Variants in TIMM23 observed in about 807,000 individuals in gnomAD.
TIMM23 encodes mitochondrial import inner membrane translocase subunit Tim23.
Under a neutral mutation model 30.7 loss-of-function variants are expected in TIMM23, and 19 were observed. The observed-to-expected ratio is 0.62, with a 90% CI of 0.43 to 0.91. The LOEUF is 0.91. TIMM23 is among the 40% of genes least tolerant of loss of function. The probability of loss-of-function intolerance (pLI) is 0.00; values close to 1 mark genes in which losing one functional copy is unlikely to be tolerated. For synonymous variants in TIMM23, 78 were observed against 98.5 expected (o/e 0.79, Z 1.23); for missense variants, 202 against 269.2 (o/e 0.75, Z 1.75).
chr10:45,977,903 C>T (rs1280546562), intron 2 of TIMM23, among the ~76,000 whole-genome samples: 1 of 151,796 alleles, frequency 6.6e-6, no homozygotes, highest in Admixed American at 6.6e-5. Context: ...TGGTGCTGGG[C>T]GCCTGTAATC....
chr10:45,980,167 TG>T (rs1334494566), intron 2 of TIMM23, among the ~76,000 whole-genome samples: 1 of 151,250 alleles, frequency 6.6e-6, no homozygotes, highest in African/African-American at 2.4e-5. Context: ...AATTACATTT[TG>T]TAAAACTTTT....
At chr10:45,991,369 T>C (rs1838158327) in intron 6 of TIMM23, among the ~76,000 whole-genome samples, 1 of 152,122 alleles carries the variant, frequency 6.6e-6, no homozygotes, top group Non-Finnish European at 1.5e-5. Flanking sequence ...GGTGGGTAGA[T>C]AAAATAGATT....
chr10:45,999,316 A>AT (rs1303929963), intron 6 of TIMM23, among the ~76,000 whole-genome samples: 2 of 151,912 alleles, frequency 1.3e-5, no homozygotes, highest in African/African-American at 4.8e-5. Flanking sequence ...AATTCTTTAC[A>AT]TTTTTTTGTA....
rs1463140748 is a variant in TIMM23 at position 45,988,842 on chromosome 10, G to A, written c.509G>A (p.Cys170Tyr). 3.1e-6 allele frequency: 5 copies of A among 1,610,824 alleles called. No individual in the cohort carries two copies. The highest frequency in any genetic ancestry group is 2.7e-5 in the African/African-American group (2 of 74,848). The change falls in exon 6 of 7, where the codon TGT becomes TAT. Residue 170 changes from cysteine (C) to tyrosine (Y), a missense_variant. Physicochemically the swap from Cys to Tyr is radical, Grantham distance 194. Coordinates refer to ENST00000580018, the MANE Select transcript of TIMM23 (RefSeq NM_006327.4). The stretch of plus-strand genomic sequence containing the variant: ...ACCATGACAGGCATGTTGTATAAAT[G>A]TACAGGTGAGTACTGTTGAATGGGG... ...AGTMTGMLYK[C>Y]TGGLRGIARG...
chr10:45,975,536 T>C, intron 2 of TIMM23, 24 bp downstream of exon 2: 1 of 1,613,378 alleles, frequency 6.2e-7, no homozygotes, highest in African/African-American at 1.3e-5. Flanking sequence ...TTTACTAGTT[T>C]GGTGCATTAT....
intron 6 of TIMM23, among the ~76,000 whole-genome samples, chr10:45,996,496 A>G (rs1838337373): frequency 6.6e-6 from 1 of 151,134 alleles, no homozygotes; most frequent in South Asian, 2.1e-4. Flanking sequence ...ATTGTGGTGC[A>G]TTTTAAATGA....
At chr10:45,983,334 A>C (rs1554914361) in intron 4 of TIMM23, among the ~76,000 whole-genome samples, 1 of 152,192 alleles carries the variant, frequency 6.6e-6, no homozygotes, top group Non-Finnish European at 1.5e-5. Flanking sequence ...AGCTGCCATC[A>C]TTTAACTTGA....
chr10:45,991,491 C>T (rs1590124017), intron 6 of TIMM23, among the ~76,000 whole-genome samples: 1 of 152,140 alleles, frequency 6.6e-6, no homozygotes, highest in Non-Finnish European at 1.5e-5. Context: ...GTGGCTCATG[C>T]CTGTAATCCC....
chr10:45,979,566 C>A (rs1837781366), intron 2 of TIMM23, among the ~76,000 whole-genome samples: 1 of 146,962 alleles, frequency 6.8e-6, no homozygotes, highest in Admixed American at 6.9e-5. Flanking sequence ...CTTGGCCTCC[C>A]AAAGTGCTGG....
intron 6 of TIMM23, chr10:45,998,431 A>G (rs1029865726): frequency 1.0e-6 from 1 of 979,966 alleles, no homozygotes; most frequent in Non-Finnish European, 1.2e-6. Flanking sequence ...GCTTTGCTTT[A>G]TAGAGATTGA....
chr10:45,992,468 GA>G (rs1482946929), intron 6 of TIMM23: 2 of 455,686 alleles, frequency 4.4e-6, no homozygotes, highest in Non-Finnish European at 8.8e-6. Flanking sequence ...GGAGAATTGT[GA>G]AACTTAACTC....
chr10:45,979,328 C>CA (rs1837772479), intron 2 of TIMM23, among the ~76,000 whole-genome samples: 1 of 152,248 alleles, frequency 6.6e-6, no homozygotes, highest in Admixed American at 6.5e-5. Context: ...TTCTAAGAGA[C>CA]AAAGTCTCCC....
chr10:45,977,350 T>C (rs1301358263), intron 2 of TIMM23, among the ~76,000 whole-genome samples: 1 of 151,836 alleles, frequency 6.6e-6, no homozygotes, highest in African/African-American at 2.4e-5. Flanking sequence ...AGCCACATCA[T>C]GATAGTAACA....
At chr10:45,989,851 T>A (rs1554915348) in intron 6 of TIMM23, among the ~76,000 whole-genome samples, 1 of 152,242 alleles carries the variant, frequency 6.6e-6, no homozygotes. Context: ...AAGCATACAT[T>A]CAAGTAATGC....
At chr10:45,989,699 C>A (rs1349825726) in intron 6 of TIMM23, among the ~76,000 whole-genome samples, 33 of 152,280 alleles carry the variant, frequency 2.2e-4, no homozygotes, top group South Asian at 1.7e-3. Flanking sequence ...AAGACACACA[C>A]AAGGTCAAAG....
chr10:45,975,202 T>A (rs1271477518), intron 1 of TIMM23, among the ~76,000 whole-genome samples: 1 of 152,202 alleles, frequency 6.6e-6, no homozygotes, highest in East Asian at 1.9e-4. Context: ...AAAAATCAGA[T>A]CTATGACACT....
intron 6 of TIMM23, among the ~76,000 whole-genome samples, chr10:45,996,555 T>C (rs1301029579): frequency 0.016 from 2,364 of 151,694 alleles, 55 homozygotes; most frequent in African/African-American, 0.051. Flanking sequence ...TCAGTGAATG[T>C]TCTTTCCTTT....
chr10:45,996,893 A>T (rs1193874092), intron 6 of TIMM23, among the ~76,000 whole-genome samples: 1 of 149,682 alleles, frequency 6.7e-6, no homozygotes, highest in Non-Finnish European at 1.5e-5. Flanking sequence ...TGAGCCCAGG[A>T]GGTCAAAGCT....
At chr10:45,982,711 T>A (rs1837882878) in intron 3 of TIMM23, 95 bp downstream of exon 3, 5 of 1,566,454 alleles carry the variant, frequency 3.2e-6, no homozygotes, top group Non-Finnish European at 4.3e-6. Context: ...TTCAGGGTTT[T>A]TTTTTTAATA....
Sources: gnomAD v4.1 joint callset for allele counts (sites outside exome capture counted in the v4.1 genomes callset) on GRCh38, gnomAD v4.1.1 for gene constraint, MANE v1.5 for transcripts, NCBI Gene and HGNC (gene_info 2026-07-23, HGNC 2026-07-21) for gene names.